ANKRD28: variants seen among roughly 807,000 people sequenced by gnomAD.
ANKRD28 encodes the protein ankyrin repeat domain 28.
Under a neutral mutation model 126.5 loss-of-function variants are expected in ANKRD28, and 44 were observed. That is an observed-to-expected ratio of 0.35 (90% CI 0.27 to 0.45). ANKRD28 has a LOEUF of 0.45. ANKRD28 is among the 20% of genes least tolerant of loss of function. ANKRD28 has a pLI of 1.00. For missense variants in ANKRD28, 1,110 were observed against 1,316.6 expected (o/e 0.84, Z 2.43); for synonymous variants, 442 against 468.5 (o/e 0.94, Z 0.73).
At chr3:15,802,072 T>C (rs1244636754), upstream of ANKRD28, among the ~76,000 whole-genome samples, 2 of 152,218 alleles carry the variant, frequency 1.3e-5, no homozygotes, top group Non-Finnish European at 2.9e-5. Context: ...CCATTTCAGC[T>C]TTAGGTAAGT....
chr3:15,841,471 T>A (rs2061423385), intron 1 of ANKRD28, among the ~76,000 whole-genome samples: 1 of 149,680 alleles, frequency 6.7e-6, no homozygotes, highest in Non-Finnish European at 1.5e-5. Flanking sequence ...GCAAAGGAAA[T>A]AATCAACAAA....
chr3:15,828,463 G>A (rs1461600941), intron 1 of ANKRD28, among the ~76,000 whole-genome samples: 1 of 152,074 alleles, frequency 6.6e-6, no homozygotes, highest in East Asian at 1.9e-4. Flanking sequence ...GTACACTACA[G>A]CTTTATTCTA....
At chr3:15,824,191 T>C (rs1052913674) in intron 1 of ANKRD28, among the ~76,000 whole-genome samples, 8 of 152,222 alleles carry the variant, frequency 5.3e-5, no homozygotes, top group African/African-American at 1.9e-4. Context: ...TTCTTTGAGA[T>C]TGGGTCTCAT....
chr3:15,696,591 T>C (rs1454346368), intron 14 of ANKRD28, among the ~76,000 whole-genome samples: 1 of 152,000 alleles, frequency 6.6e-6, no homozygotes, highest in African/African-American at 2.4e-5. Flanking sequence ...TTCGTGGTGG[T>C]GAGTACATAA....
chr3:15,782,115 T>A (rs2059566961), intron 2 of ANKRD28, among the ~76,000 whole-genome samples: 1 of 152,124 alleles, frequency 6.6e-6, no homozygotes. Context: ...CATTGGAATA[T>A]GTAAGATTTT....
rs1039863983 is a variant in ANKRD28, at chr3:15,838,509, C to T, written c.27+20868G>A. Among the ~76,000 whole-genome samples, 46 of 152,168 alleles carry T rather than the reference C, an allele frequency of 3.0e-4. 5 individuals carry two copies. The highest frequency in any genetic ancestry group is 1.4e-3 in the Admixed American group (21 of 15,278). On this transcript the variant is annotated intron_variant, in intron 1 of 27. Transcript: ENST00000399451. The surrounding 1 kb of genome is among the most constrained non-coding windows in gnomAD (Gnocchi z 4.0). ...ATCCCAGCACTTTGGGAGGCCGAGG[C>T]GGGCAGATCACCTGAGGTCAGGAGT...
At chr3:15,799,353 A>G (rs79709773), upstream of ANKRD28, among the ~76,000 whole-genome samples, 472 of 152,122 alleles carry the variant, frequency 3.1e-3, 4 homozygotes, top group African/African-American at 9.8e-3. Flanking sequence ...TGATACAAAT[A>G]TAAGAATGTC....
At chr3:15,710,076 T>A (rs2455831) in intron 12 of ANKRD28, among the ~76,000 whole-genome samples, 77,250 of 150,428 alleles carry the variant, frequency 0.51, 21,195 homozygotes, top group Middle Eastern at 0.62. Context: ...ACTCTATAGT[T>A]TAGGCTAGAG....
chr3:15,853,356 A>G lies in ANKRD28; in HGVS notation c.27+6021T>C, dbSNP rs2061693385. ...TACATTCACTGAATATAAATTTTAC[A>G]TTAGACTAGAAAATTAAAAAGGAAA... is the stretch of plus-strand genomic sequence containing the variant. On this transcript the variant is annotated intron_variant, in intron 1 of 27. Coordinates refer to the ANKRD28 transcript ENST00000399451. The surrounding 1 kb of genome is among the most constrained non-coding windows in gnomAD (Gnocchi z 4.2). Among the ~76,000 whole-genome samples the G allele has an allele frequency of 1.3e-5, 2 of 152,216 alleles. No individual in the cohort carries two copies. The highest frequency in any genetic ancestry group is 4.1e-4 in the South Asian group (2 of 4,830).
upstream of ANKRD28, among the ~76,000 whole-genome samples, chr3:15,800,519 T>A (rs138189831): frequency 6.6e-6 from 1 of 152,114 alleles, no homozygotes; most frequent in East Asian, 1.9e-4. Context: ...GCTATTAAAC[T>A]CCTCCTCCTC....
In ANKRD28 at chr3:15,845,121, C is replaced by A. The variant is rs2061504741; in HGVS notation, c.27+14256G>T. 6.6e-6 allele frequency among the ~76,000 whole-genome samples: 1 copy of A among 152,172 alleles called. No homozygotes were observed. Among genetic ancestry groups the A allele is most frequent in the South Asian group, 2.1e-4 (1 of 4,828 alleles). ...GAAATCCCCCATGATCCAATCACCT[C>A]CCACAAGGTCCCACCTCCAACACTG... On this transcript the variant is annotated intron_variant, in intron 1 of 27. Transcript: ENST00000399451. This position sits in a 1 kb window ranked among gnomAD's most constrained non-coding sequence, Gnocchi z 4.9.
intron 8 of ANKRD28, among the ~76,000 whole-genome samples, chr3:15,718,654 C>T (rs2073356176): frequency 6.6e-6 from 1 of 151,784 alleles, no homozygotes; most frequent in African/African-American, 2.4e-5. Context: ...AGCCCAATCT[C>T]TACCTTTTAA....
intron 17 of ANKRD28, among the ~76,000 whole-genome samples, chr3:15,691,365 C>T (rs1414213339): frequency 2.6e-5 from 4 of 152,228 alleles, no homozygotes; most frequent in East Asian, 1.9e-4. Flanking sequence ...CCTTGTGATC[C>T]GCCCGCCTCG....
In ANKRD28 at chr3:15,757,122, G is replaced by C. The variant is rs144205136; in HGVS notation, c.281-5302C>G. Among the ~76,000 whole-genome samples the C allele has an allele frequency of 2.8e-4, 42 of 152,262 alleles. 1 individual carries two copies. The highest frequency in any genetic ancestry group is 2.7e-3 in the Admixed American group (41 of 15,306). Reference sequence around the variant, plus strand: ...TCAATACACAGTGTTTTCTCTTTATGATTTTCTTAGTATTTTCATTTTATT... The same window carrying C: ...TCAATACACAGTGTTTTCTCTTTATCATTTTCTTAGTATTTTCATTTTATT... On this transcript the variant is annotated intron_variant, in intron 3 of 27. Coordinates refer to ENST00000683139, the MANE Select transcript of ANKRD28 (RefSeq NM_001349278.2).
At chr3:15,719,521 C>T (rs971101653) in intron 8 of ANKRD28, among the ~76,000 whole-genome samples, 1 of 152,122 alleles carries the variant, frequency 6.6e-6, no homozygotes, top group African/African-American at 2.4e-5. Context: ...ATCTGGATTG[C>T]ATGTGCTCTC....
intron 2 of ANKRD28, among the ~76,000 whole-genome samples, chr3:15,788,660 T>C (rs1462494383): frequency 6.6e-6 from 1 of 152,196 alleles, no homozygotes; most frequent in Non-Finnish European, 1.5e-5. Context: ...AAAGTTTTCC[T>C]CTAAAATGTG....
At chr3:15,716,602 C>T (rs2073086863) in intron 8 of ANKRD28, among the ~76,000 whole-genome samples, 1 of 151,894 alleles carries the variant, frequency 6.6e-6, no homozygotes, top group African/African-American at 2.4e-5. Context: ...CCAATTTTTA[C>T]AGACATAAGG....
At chr3:15,841,013 C>T (rs189914673) in intron 1 of ANKRD28, among the ~76,000 whole-genome samples, 33 of 152,200 alleles carry the variant, frequency 2.2e-4, no homozygotes, top group East Asian at 1.2e-3. Context: ...TGATGGTGCA[C>T]GCCTGTAATC....
chr3:15,835,116 C>T (rs926474042), intron 1 of ANKRD28, among the ~76,000 whole-genome samples: 18 of 151,966 alleles, frequency 1.2e-4, no homozygotes, highest in Admixed American at 9.2e-4. Flanking sequence ...CCACTGCACT[C>T]CAGCCTGGGC....
Sources: gnomAD v4.1 joint callset for allele counts (sites outside exome capture counted in the v4.1 genomes callset) on GRCh38, gnomAD v4.1.1 for gene constraint, Gnocchi (gnomAD v3.1) non-coding constraint, MANE v1.5 for transcripts, NCBI Gene and HGNC (gene_info 2026-07-23, HGNC 2026-07-21) for gene names.